DAP: variants seen among roughly 807,000 people sequenced by gnomAD.
DAP encodes the protein death associated protein, also known as death-associated protein 1.
Under a neutral mutation model 13.8 loss-of-function variants are expected in DAP, and 8 were observed. That is an observed-to-expected ratio of 0.58 (90% CI 0.34 to 1.05). The LOEUF is 1.05. Ranked by LOEUF, DAP falls within the 50% of genes least tolerant of loss-of-function variation. The probability of loss-of-function intolerance (pLI) is 0.03; values close to 1 mark genes in which losing one functional copy is unlikely to be tolerated. For synonymous variants in DAP, 47 were observed against 47.5 expected, an observed-to-expected ratio of 0.99 and a Z score of 0.04; for missense variants, 106 against 133.2, an observed-to-expected ratio of 0.80 and a Z score of 1.01.
chr5:10,718,686 T>C (rs909516512), intron 2 of DAP, among the ~76,000 whole-genome samples: 2 of 152,240 alleles, frequency 1.3e-5, no homozygotes, highest in Admixed American at 1.3e-4. Context: ...CTGTGCCAGA[T>C]GTAGTTTCAT....
chr5:10,749,912 G>A (rs1211013349), intron 1 of DAP, among the ~76,000 whole-genome samples: 1 of 152,116 alleles, frequency 6.6e-6, no homozygotes, highest in Non-Finnish European at 1.5e-5. Context: ...CACGCCCTCA[G>A]CTATGTGGTC....
chr5:10,740,354 A>C (rs975840679), intron 2 of DAP, among the ~76,000 whole-genome samples: 3 of 152,234 alleles, frequency 2.0e-5, no homozygotes, highest in African/African-American at 7.2e-5. Flanking sequence ...AAAGAAGAGA[A>C]AAATGAAGCA....
In DAP at chr5:10,681,373, G is replaced by A. The variant is rs375014712; in HGVS notation, c.196-204C>T. Among the ~76,000 whole-genome samples, 71 of 88,060 alleles carry A rather than the reference G, an allele frequency of 8.1e-4. No individual in the cohort carries two copies. The South Asian group carries it at 8.9e-3, about 11-fold the overall frequency. The allele number at this position is 88,060 out of a possible 152,430, so 57.8% of individuals were successfully genotyped here. On this transcript the variant is annotated intron_variant, in intron 3 of 3. Coordinates refer to ENST00000230895, the MANE Select transcript of DAP (RefSeq NM_004394.3). ...AAGCCCCAGGCCAGGGCCCACCAGC[G>A]CCCCTGCAGGAAGCATGGGGTTTGT...
chr5:10,745,408 C>G (rs951066908), intron 2 of DAP, among the ~76,000 whole-genome samples: 8 of 152,204 alleles, frequency 5.3e-5, no homozygotes, highest in Non-Finnish European at 8.8e-5. Flanking sequence ...ACAACAAAAG[C>G]CTTGCTCATG....
chr5:10,734,833 C>A (rs1234638313), intron 2 of DAP, among the ~76,000 whole-genome samples: 1 of 152,212 alleles, frequency 6.6e-6, no homozygotes, highest in African/African-American at 2.4e-5. Context: ...ATGAGCTAAA[C>A]ATGAAGATAT....
intron 2 of DAP, 137 bp from the exon 3 acceptor site, chr5:10,683,708 T>TATTTGTTG: frequency 2.6e-6 from 2 of 780,322 alleles, no homozygotes; most frequent in Non-Finnish European, 4.4e-6. Context: ...TCCTCTGCGT[T>TATTTGTTG]ATTTGTTGTA....
At chr5:10,741,356 A>G (rs1453613251) in intron 2 of DAP, among the ~76,000 whole-genome samples, 1 of 152,202 alleles carries the variant, frequency 6.6e-6, no homozygotes, top group African/African-American at 2.4e-5. Flanking sequence ...CTGTCTCAAA[A>G]AAAAGCAGGT....
intron 2 of DAP, among the ~76,000 whole-genome samples, chr5:10,699,391 G>A (rs903651597): frequency 1.3e-5 from 2 of 152,214 alleles, no homozygotes; most frequent in Admixed American, 1.3e-4. Context: ...GGCATTTGGT[G>A]TTCACACACT....
intron 2 of DAP, among the ~76,000 whole-genome samples, chr5:10,728,606 T>C (rs951965954): frequency 1.3e-5 from 2 of 152,238 alleles, no homozygotes; most frequent in African/African-American, 4.8e-5. Flanking sequence ...TTGAGAAAAC[T>C]TGACCTTCCA....
In DAP at chr5:10,761,009, A is replaced by T; in HGVS notation, c.55+5T>A. Reference sequence around the variant, plus strand: ...CGCGTGGAGAGAGAGGAAAAGAGTCAGTACCGGCGGGCGGGTGTCCAGCTT... The same window carrying T: ...CGCGTGGAGAGAGAGGAAAAGAGTCTGTACCGGCGGGCGGGTGTCCAGCTT... On this transcript the variant is annotated splice_donor_5th_base_variant and intron_variant, in intron 1 of 3. Coordinates refer to ENST00000230895, the MANE Select transcript of DAP (RefSeq NM_004394.3). The T allele has an allele frequency of 8.1e-7, 1 of 1,230,390 alleles. No homozygotes were observed. 76.2% of individuals were successfully genotyped at this position (1,230,390 alleles called of 1,614,324 possible).
chr5:10,684,999 C>T (rs5745279), intron 2 of DAP, among the ~76,000 whole-genome samples: 3,896 of 152,250 alleles, frequency 0.026, 167 homozygotes, highest in African/African-American at 0.088. Flanking sequence ...CTGTCTCTTC[C>T]CAGCTCTGCT....
At chr5:10,747,953 G>A in intron 2 of DAP, 1 of 461,906 alleles carries the variant, frequency 2.2e-6, no homozygotes, top group Non-Finnish European at 4.0e-6. Flanking sequence ...AACAGGGTGG[G>A]CGCGTGGCAA....
chr5:10,732,070 C>T (rs1466875055), intron 2 of DAP, among the ~76,000 whole-genome samples: 2 of 152,224 alleles, frequency 1.3e-5, no homozygotes, highest in Non-Finnish European at 2.9e-5. Flanking sequence ...CAGCCATGGA[C>T]CTCCAGAAAG....
Position 10,683,587 on chromosome 5 carries a change from G to T in DAP, c.153-16C>A. ...TTTAGGTGGACTGGAAAAAAAGAAG[G>T]GAAAAGGCAGATTTAACAAAACAGT... On this transcript the variant is annotated splice_polypyrimidine_tract_variant and intron_variant, in intron 2 of 3. Transcript: ENST00000230895. 6.2e-7 allele frequency: 1 copy of T among 1,613,702 alleles called. No homozygotes were observed. Among genetic ancestry groups the T allele is most frequent in the Non-Finnish European group, 8.5e-7 (1 of 1,179,686 alleles).
chr5:10,687,965 G>C (rs1019816477), intron 2 of DAP, among the ~76,000 whole-genome samples: 4 of 148,252 alleles, frequency 2.7e-5, no homozygotes, highest in African/African-American at 1.0e-4. Context: ...GCCCAGGCTG[G>C]AGTACAGTGG....
At chr5:10,746,322 G>GT (rs954556904) in intron 2 of DAP, among the ~76,000 whole-genome samples, 272 of 138,500 alleles carry the variant, frequency 2.0e-3, no homozygotes, top group East Asian at 0.01. Context: ...TAATTCTAGC[G>GT]TTTTTTTTTT....
chr5:10,687,265 A>G (rs928617183), intron 2 of DAP, among the ~76,000 whole-genome samples: 1 of 152,270 alleles, frequency 6.6e-6, no homozygotes, highest in African/African-American at 2.4e-5. Flanking sequence ...AACAACATTC[A>G]TTCTGCAACC....
intron 2 of DAP, among the ~76,000 whole-genome samples, chr5:10,685,941 A>C (rs979185977): frequency 1.3e-4 from 20 of 149,938 alleles, no homozygotes; most frequent in African/African-American, 2.8e-4. Context: ...CACACACACA[A>C]ACAAACACCT....
At position 10,761,115 on chromosome 5, in the gene DAP, G is replaced by A. The variant is rs1740346016; in HGVS notation, c.-47C>T. ...GGCCGAGGCGGCGGCGCGGTTCTCG[G>A]GCCGGGCGGGCGTGCGCGAGTGAGC... On this transcript the variant is annotated 5_prime_UTR_variant, in exon 1 of 4. Transcript: ENST00000230895. The A allele has an allele frequency of 2.7e-6, 3 of 1,112,986 alleles. No homozygotes were observed. The highest frequency in any genetic ancestry group is 3.4e-6 in the Non-Finnish European group (3 of 882,952). The allele number at this position is 1,112,986 out of a possible 1,614,324, so 68.9% of individuals were successfully genotyped here.
Sources: gnomAD v4.1 joint callset for allele counts (sites outside exome capture counted in the v4.1 genomes callset) on GRCh38, gnomAD v4.1.1 for gene constraint, MANE v1.5 for transcripts, NCBI Gene and HGNC (gene_info 2026-07-23, HGNC 2026-07-21) for gene names.